AGK: variants seen among roughly 807,000 people sequenced by gnomAD.
AGK encodes acylglycerol kinase, mitochondrial.
AGK carries 52 observed loss-of-function variants against 66.4 expected under a neutral mutation model. The ratio of observed to expected loss-of-function variants is 0.78; its 90% confidence interval spans 0.63 to 0.99. The LOEUF (loss-of-function observed/expected upper bound fraction) is 0.99. AGK is among the 50% of genes least tolerant of loss of function. The probability of loss-of-function intolerance (pLI) is 0.00; values close to 1 mark genes in which losing one functional copy is unlikely to be tolerated. For synonymous variants in AGK, 182 were observed against 181.1 expected (o/e 1.00, Z -0.04); for missense variants, 451 against 506.6 (o/e 0.89, Z 1.05).
chr7:141,636,888 C>A, intron 10 of AGK, 72 bp from the exon 11 acceptor site: 3 of 1,259,974 alleles, frequency 2.4e-6, no homozygotes, highest in Non-Finnish European at 3.4e-6. Flanking sequence ...GTATTGTCTG[C>A]CATGAATGGT....
chr7:141,619,741 G>A (rs1328982391), intron 8 of AGK, among the ~76,000 whole-genome samples: 2 of 150,704 alleles, frequency 1.3e-5, no homozygotes, highest in Admixed American at 6.6e-5. Context: ...TATCATTGGT[G>A]CAAATACGAA....
At chr7:141,586,950 C>G (rs971802785) in intron 2 of AGK, among the ~76,000 whole-genome samples, 8 of 152,168 alleles carry the variant, frequency 5.3e-5, no homozygotes, top group African/African-American at 1.9e-4. Context: ...TTCCTTCTAT[C>G]AACATGTAGC....
At chr7:141,632,856 T>C (rs1562980060) in intron 9 of AGK, among the ~76,000 whole-genome samples, 1 of 152,138 alleles carries the variant, frequency 6.6e-6, no homozygotes, top group Admixed American at 6.5e-5. Context: ...GCAGGCTTCT[T>C]TTATTGTGTT....
chr7:141,560,984 G>A (rs552894943), intron 2 of AGK, among the ~76,000 whole-genome samples: 3 of 152,006 alleles, frequency 2.0e-5, no homozygotes, highest in Non-Finnish European at 2.9e-5. Flanking sequence ...TAGTAGAGAC[G>A]GGGTTTCATC....
rs574151155 is a variant in AGK, at chr7:141,592,964, AAAGTGCTGGGATTACAG to A, written c.102-181_102-165del. Among the ~76,000 whole-genome samples the A allele has an allele frequency of 8.9e-3, 1,344 of 151,812 alleles. 20 individuals carry two copies. Among genetic ancestry groups the A allele is most frequent in the African/African-American group, 0.029 (1,209 of 41,390 alleles). ...GGTGATCTGCCCACCTCAGCCTCCC[AAAGTGCTGGGATTACAG>A]GCGTGAGCCACCATGCCCGGCCTGT... is the stretch of plus-strand genomic sequence containing the variant. On this transcript the variant is annotated intron_variant, in intron 2 of 15. Transcript: ENST00000649286.
At chr7:141,589,042 C>G (rs979328244) in intron 2 of AGK, among the ~76,000 whole-genome samples, 10 of 152,112 alleles carry the variant, frequency 6.6e-5, no homozygotes, top group Non-Finnish European at 1.3e-4. Flanking sequence ...CCTATCTCAT[C>G]CTGTGACTTA....
rs189777883 is a variant in AGK at position 141,604,376 on chromosome 7, A to G, written c.297+3096A>G. On this transcript the variant is annotated intron_variant, in intron 5 of 15. Coordinates refer to ENST00000649286, the MANE Select transcript of AGK (RefSeq NM_018238.4). ...TATGTATGAATGTGTGTGTGTGTGT[A>G]TATATATATATATATATATATATAT... 1.0e-2 allele frequency among the ~76,000 whole-genome samples: 1,081 copies of G among 108,398 alleles called. 9 individuals are homozygous for G. The highest frequency in any genetic ancestry group is 0.04 in the African/African-American group (849 of 21,310). 71.1% of individuals were successfully genotyped at this position (108,398 alleles called of 152,430 possible). A position where few individuals can be genotyped will look rare whatever the true frequency, so the allele number is the denominator to read the frequency against.
At chr7:141,580,493 C>G (rs1227076301) in intron 2 of AGK, among the ~76,000 whole-genome samples, 2 of 151,934 alleles carry the variant, frequency 1.3e-5, no homozygotes, top group East Asian at 3.9e-4. Context: ...ATGTGGGAGC[C>G]TGGAATGAAG....
At chr7:141,641,124 A>G in intron 11 of AGK, 124 bp from the exon 12 acceptor site, 1 of 803,396 alleles carries the variant, frequency 1.2e-6, no homozygotes, top group Non-Finnish European at 1.9e-6. Flanking sequence ...CCATCCAGTG[A>G]GAGGAGATTA....
intron 8 of AGK, chr7:141,615,913 C>A: frequency 5.2e-6 from 1 of 192,628 alleles, no homozygotes; most frequent in Non-Finnish European, 1.1e-5. Flanking sequence ...TAAGTATATG[C>A]AATGACAAAT....
intron 8 of AGK, among the ~76,000 whole-genome samples, chr7:141,618,136 T>C (rs1348267762): frequency 6.6e-6 from 1 of 152,226 alleles, no homozygotes; most frequent in Non-Finnish European, 1.5e-5. Flanking sequence ...AACACTGGTT[T>C]AGGTGGATTT....
intron 2 of AGK, among the ~76,000 whole-genome samples, chr7:141,592,373 C>G (rs1467593642): frequency 6.6e-6 from 1 of 152,184 alleles, no homozygotes; most frequent in East Asian, 1.9e-4. Flanking sequence ...GGCAAAGTTG[C>G]ATTTTTCTGA....
intron 14 of AGK, among the ~76,000 whole-genome samples, chr7:141,650,943 G>A (rs1379052425): frequency 6.6e-6 from 1 of 152,184 alleles, no homozygotes; most frequent in African/African-American, 2.4e-5. Context: ...GATGGTTGCT[G>A]TCCTGTATTC....
intron 2 of AGK, among the ~76,000 whole-genome samples, chr7:141,564,551 C>T (rs545048942): frequency 3.1e-4 from 47 of 152,294 alleles, no homozygotes; most frequent in African/African-American, 1.1e-3. Flanking sequence ...TCCCATGACA[C>T]ATGGGGATTA....
chr7:141,635,550 C>T (rs145668817), intron 10 of AGK, among the ~76,000 whole-genome samples: 1,998 of 152,286 alleles, frequency 0.013, 45 homozygotes, highest in African/African-American at 0.045. Context: ...TAGAATGTTT[C>T]TGCATTCCCT....
chr7:141,618,252 A>C (rs1213638365), intron 8 of AGK, among the ~76,000 whole-genome samples: 1 of 152,208 alleles, frequency 6.6e-6, no homozygotes, highest in Non-Finnish European at 1.5e-5. Flanking sequence ...ATTGATATCC[A>C]TTTGATACGT....
intron 9 of AGK, among the ~76,000 whole-genome samples, chr7:141,633,127 A>G (rs1433906086): frequency 6.6e-6 from 1 of 152,146 alleles, no homozygotes; most frequent in Non-Finnish European, 1.5e-5. Context: ...CTTATGTAGC[A>G]TTCGGTAGCT....
At chr7:141,574,964 C>T (rs1795702007) in intron 2 of AGK, among the ~76,000 whole-genome samples, 1 of 152,168 alleles carries the variant, frequency 6.6e-6, no homozygotes, top group Admixed American at 6.5e-5. Context: ...GTGAGGCCTT[C>T]CCATGGAGGG....
intron 2 of AGK, among the ~76,000 whole-genome samples, chr7:141,589,144 C>T (rs1488647324): frequency 2.0e-5 from 3 of 152,170 alleles, no homozygotes; most frequent in African/African-American, 7.2e-5. Context: ...GGTTCAAATG[C>T]CTCTGACACT....
Sources: gnomAD v4.1 joint callset for allele counts (sites outside exome capture counted in the v4.1 genomes callset) on GRCh38, gnomAD v4.1.1 for gene constraint, MANE v1.5 for transcripts, NCBI Gene and HGNC (gene_info 2026-07-23, HGNC 2026-07-21) for gene names.